The following ZBTB7C variants were observed in gnomAD, a reference collection of about 807,000 sequenced individuals.
The protein encoded by ZBTB7C is zinc finger and BTB domain-containing protein 7C.
A neutral mutation model predicts 25.7 loss-of-function variants in ZBTB7C; 8 were observed. The observed-to-expected ratio is 0.31, with a 90% CI of 0.18 to 0.56. The LOEUF is 0.56. ZBTB7C is among the 20% of genes least tolerant of loss of function. The pLI, the probability that ZBTB7C is intolerant of heterozygous loss-of-function variation, is 0.91. For synonymous variants in ZBTB7C, 394 were observed against 369.0 expected (o/e 1.07, Z -0.78); for missense variants, 824 against 855.2 (o/e 0.96, Z 0.46).
chr18:48,157,502 C>A (rs374643715), intron 3 of ZBTB7C, among the ~76,000 whole-genome samples: 1 of 152,120 alleles, frequency 6.6e-6, no homozygotes, highest in Non-Finnish European at 1.5e-5. Context: ...AGTGACCACT[C>A]GACAGTTAAT....
At chr18:48,230,595 T>C (rs1200723829) in intron 2 of ZBTB7C, among the ~76,000 whole-genome samples, 3 of 152,118 alleles carry the variant, frequency 2.0e-5, no homozygotes, top group Non-Finnish European at 2.9e-5. Flanking sequence ...GAGAATGGAA[T>C]TGAACATGCT....
At chr18:48,226,278 A>C (rs943157630) in intron 2 of ZBTB7C, among the ~76,000 whole-genome samples, 3 of 152,240 alleles carry the variant, frequency 2.0e-5, no homozygotes, top group Admixed American at 1.3e-4. Context: ...TCATCCAGGA[A>C]ACACCTCCAG....
At chr18:48,067,773 G>A (rs1464138495) in intron 3 of ZBTB7C, among the ~76,000 whole-genome samples, 9 of 152,064 alleles carry the variant, frequency 5.9e-5, no homozygotes, top group Middle Eastern at 3.4e-3. Flanking sequence ...AGGCCGAGGC[G>A]GGCAGATCAC....
intron 1 of ZBTB7C, among the ~76,000 whole-genome samples, chr18:48,397,961 G>A (rs2145296810): frequency 6.6e-6 from 1 of 152,282 alleles, no homozygotes; most frequent in South Asian, 2.1e-4. Flanking sequence ...AAGCAGCAAA[G>A]CTTCTGCGTG....
At chr18:48,354,847 T>C (rs899940189) in intron 1 of ZBTB7C, among the ~76,000 whole-genome samples, 3 of 152,132 alleles carry the variant, frequency 2.0e-5, no homozygotes, top group Non-Finnish European at 2.9e-5. Context: ...AGCTGTGCCA[T>C]TGGGAGTCCA....
At chr18:48,234,552 C>T (rs1422001927) in intron 2 of ZBTB7C, among the ~76,000 whole-genome samples, 3 of 152,172 alleles carry the variant, frequency 2.0e-5, no homozygotes, top group South Asian at 2.1e-4. Flanking sequence ...GGGTGCAATA[C>T]GATTCACAGC....
intron 3 of ZBTB7C, among the ~76,000 whole-genome samples, chr18:48,065,921 C>T (rs80322142): frequency 6.6e-6 from 1 of 152,176 alleles, no homozygotes; most frequent in African/African-American, 2.4e-5. Context: ...GGAATTAGCT[C>T]AGGGTCAGGA....
At chr18:48,359,642 C>T (rs1368772035) in intron 1 of ZBTB7C, among the ~76,000 whole-genome samples, 2 of 152,192 alleles carry the variant, frequency 1.3e-5, no homozygotes, top group Non-Finnish European at 2.9e-5. Flanking sequence ...CCATCAAAAG[C>T]TGGTGGTGTT....
chr18:48,165,246 G>A, intron 3 of ZBTB7C: 1 of 581,350 alleles, frequency 1.7e-6, no homozygotes, highest in South Asian at 1.5e-5. Context: ...CCACAGCTTA[G>A]AGCAGCTCTG....
intron 1 of ZBTB7C, among the ~76,000 whole-genome samples, chr18:48,370,828 T>C (rs1183214140): frequency 1.2e-4 from 19 of 152,158 alleles, no homozygotes; most frequent in Admixed American, 1.2e-3. Context: ...AGAGGCCTCA[T>C]CCAGTCTCCT....
At chr18:48,107,441 G>GT (rs2039073461) in intron 3 of ZBTB7C, among the ~76,000 whole-genome samples, 1 of 151,472 alleles carries the variant, frequency 6.6e-6, no homozygotes, top group Non-Finnish European at 1.5e-5. Context: ...GAGGGAGGAG[G>GT]GCTGGGACCA....
intron 1 of ZBTB7C, among the ~76,000 whole-genome samples, chr18:48,358,915 C>A (rs2047038900): frequency 6.6e-6 from 1 of 152,174 alleles, no homozygotes; most frequent in Non-Finnish European, 1.5e-5. Context: ...CTCCCTTATG[C>A]CTGGCTGGTG....
chr18:48,048,269 C>A (rs10460075), intron 3 of ZBTB7C, among the ~76,000 whole-genome samples: 30,601 of 152,106 alleles, frequency 0.2, 3,394 homozygotes, highest in South Asian at 0.28. Context: ...GAGTAGAAAG[C>A]ATTTTGTTGG....
At chr18:48,363,666 G>A (rs2145115521) in intron 1 of ZBTB7C, among the ~76,000 whole-genome samples, 1 of 152,270 alleles carries the variant, frequency 6.6e-6, no homozygotes, top group African/African-American at 2.4e-5. Flanking sequence ...TGCAGGAAAT[G>A]TCAGATGCTT....
chr18:48,195,968 T>A (rs2000846), intron 2 of ZBTB7C, among the ~76,000 whole-genome samples: 1 of 152,122 alleles, frequency 6.6e-6, no homozygotes, highest in Non-Finnish European at 1.5e-5. Flanking sequence ...GGTTTGGGAA[T>A]GAAGCCCAGC....
chr18:48,054,171 A>C (rs748502255), intron 3 of ZBTB7C, among the ~76,000 whole-genome samples: 2 of 152,130 alleles, frequency 1.3e-5, no homozygotes, highest in Non-Finnish European at 2.9e-5. Context: ...TGAGCATTGG[A>C]ATCCTTCCGC....
At chr18:48,217,322 A>T (rs56038326) in intron 2 of ZBTB7C, among the ~76,000 whole-genome samples, 22,538 of 152,102 alleles carry the variant, frequency 0.15, 1,828 homozygotes, top group Non-Finnish European at 0.18. Context: ...TGTCCCCAAG[A>T]AGCCCTCACG....
intron 3 of ZBTB7C, among the ~76,000 whole-genome samples, chr18:48,136,841 G>A (rs1290414238): frequency 6.6e-6 from 1 of 152,142 alleles, no homozygotes; most frequent in South Asian, 2.1e-4. Flanking sequence ...CCGCCCCGCG[G>A]CCACCCGGCC....
At chr18:48,207,292 C>T (rs2042597353) in intron 2 of ZBTB7C, among the ~76,000 whole-genome samples, 1 of 152,122 alleles carries the variant, frequency 6.6e-6, no homozygotes, top group South Asian at 2.1e-4. Flanking sequence ...ACCATACAAT[C>T]CAGCAAGTTC....
Sources: gnomAD v4.1 joint callset for allele counts (sites outside exome capture counted in the v4.1 genomes callset) on GRCh38, gnomAD v4.1.1 for gene constraint, MANE v1.5 for transcripts, NCBI Gene and HGNC (gene_info 2026-07-23, HGNC 2026-07-21) for gene names.